XKR7: variants seen among roughly 807,000 people sequenced by gnomAD.
XKR7 encodes XK related 7.
In XKR7, 11 loss-of-function variants were observed where a neutral mutation model predicts 42.2. The ratio of observed to expected loss-of-function variants is 0.26; its 90% CI spans 0.16 to 0.43. The LOEUF is 0.43. XKR7 is among the 20% of genes least tolerant of loss of function. The probability of loss-of-function intolerance (pLI) is 1.00; values close to 1 mark genes in which losing one functional copy is unlikely to be tolerated. For missense variants in XKR7, 710 were observed against 802.2 expected, an observed-to-expected ratio of 0.89 and a Z score of 1.39; for synonymous variants, 346 against 366.4, an observed-to-expected ratio of 0.94 and a Z score of 0.64.
chr20:31,971,057 C>T (rs940270482), intron 1 of XKR7, among the ~76,000 whole-genome samples: 58 of 152,276 alleles, frequency 3.8e-4, no homozygotes, highest in African/African-American at 1.3e-3. Flanking sequence ...ACTAAAGTGT[C>T]CCTCAAGCTT....
rs1207854420 is a variant in XKR7, at chr20:32,001,946, G to A, written c.*4489G>A. The A allele has an allele frequency of 6.6e-6, 1 of 152,250 alleles. No homozygotes were observed. Among genetic ancestry groups the A allele is most frequent in the Non-Finnish European group, 1.5e-5 (1 of 68,082 alleles). 9.4% of individuals were successfully genotyped at this position (152,250 alleles called of 1,614,324 possible). On this transcript the variant is annotated 3_prime_UTR_variant, in exon 3 of 3. Transcript: ENST00000562532. ...GTGTCAAGCCGCATGGGCAGTAGTA[G>A]GGTTGGGGTTTGAGCCCCCTTCCCA... is the stretch of plus-strand genomic sequence containing the variant.
chr20:31,987,629 C>CACAG (rs954533989), intron 1 of XKR7, among the ~76,000 whole-genome samples: 2 of 151,062 alleles, frequency 1.3e-5, no homozygotes, highest in Admixed American at 6.6e-5. Flanking sequence ...AGTATTAAGA[C>CACAG]ACAGACAGAC....
At chr20:31,991,435 C>A (rs78562250) in intron 1 of XKR7, among the ~76,000 whole-genome samples, 10,513 of 152,012 alleles carry the variant, frequency 0.069, 418 homozygotes, top group African/African-American at 0.097. Flanking sequence ...CTCCAGATCT[C>A]TCTCTGCCCT....
At position 31,998,654 on chromosome 20, in the gene XKR7, C is replaced by T. The variant is rs2064608680; in HGVS notation, c.*1197C>T. ...AGCTCTAGGCCCCTGTTACCTTGGT[C>T]CATAGCCATCTTTCTAAAAGGAAAT... is the stretch of plus-strand genomic sequence containing the variant. On this transcript the variant is annotated 3_prime_UTR_variant, in exon 3 of 3. Transcript: ENST00000562532. 6.6e-6 allele frequency: 1 copy of T among 152,108 alleles called. No homozygotes were observed. Among genetic ancestry groups the T allele is most frequent in the African/African-American group, 2.4e-5 (1 of 41,386 alleles). The allele number at this position is 152,108 out of a possible 1,614,324, so 9.4% of individuals were successfully genotyped here.
Position 31,987,058 on chromosome 20 carries a change from G to A in XKR7, c.585-8010G>A, listed in dbSNP as rs189843425. On this transcript the variant is annotated intron_variant, in intron 1 of 2. Coordinates refer to ENST00000562532, the MANE Select transcript of XKR7 (RefSeq NM_001011718.2). ...CCAGCATCCAAGACACAGACAGACA[G>A]ACCACCAAACAGATCCAGTATCCAA... Among the ~76,000 whole-genome samples the A allele has an allele frequency of 1.2e-3, 176 of 141,974 alleles. 1 individual carries two copies. The highest frequency in any genetic ancestry group is 4.3e-3 in the African/African-American group (161 of 37,486). The allele number at this position is 141,974 out of a possible 152,430, so 93.1% of individuals were successfully genotyped here. A position where few individuals can be genotyped will look rare whatever the true frequency, so the allele number is the denominator to read the frequency against.
chr20:31,982,554 G>A (rs1181755906), intron 1 of XKR7, among the ~76,000 whole-genome samples: 1 of 149,708 alleles, frequency 6.7e-6, no homozygotes, highest in Non-Finnish European at 1.5e-5. Context: ...GTGAATAAAT[G>A]TCAAATGAAC....
chr20:31,998,235 C>T lies in XKR7; in HGVS notation c.*778C>T, dbSNP rs1166205536. The T allele has an allele frequency of 6.6e-6, 1 of 152,124 alleles. No homozygotes were observed. Among genetic ancestry groups the T allele is most frequent in the Non-Finnish European group, 1.5e-5 (1 of 68,024 alleles). 9.4% of individuals were successfully genotyped at this position (152,124 alleles called of 1,614,324 possible). ...GTGAAGGATGAAGTTCCACACACCTCAGGTGAAATGTTTGAAGGAGCCATT... is the reference window on the plus strand; with the variant it reads ...GTGAAGGATGAAGTTCCACACACCTTAGGTGAAATGTTTGAAGGAGCCATT... On this transcript the variant is annotated 3_prime_UTR_variant, in exon 3 of 3. Transcript: ENST00000562532.
chr20:31,990,363 G>A (rs1211077438), intron 1 of XKR7, among the ~76,000 whole-genome samples: 11 of 152,186 alleles, frequency 7.2e-5, no homozygotes, highest in Admixed American at 7.2e-4. Context: ...ACAACAAGGA[G>A]GAAAATAAAG....
intron 1 of XKR7, among the ~76,000 whole-genome samples, chr20:31,969,318 C>T (rs2064453386): frequency 1.3e-5 from 2 of 152,210 alleles, no homozygotes; most frequent in South Asian, 4.1e-4. Context: ...AACTGGGGAG[C>T]CCTCAGGCTC....
chr20:31,970,073 T>G (rs980730424), intron 1 of XKR7: 1 of 152,200 alleles, frequency 6.6e-6, no homozygotes, highest in Non-Finnish European at 1.5e-5. Context: ...TCCACTTAGC[T>G]TATCCTGGAG....
At position 31,999,912 on chromosome 20, in the gene XKR7, C is replaced by G. The variant is rs986732590; in HGVS notation, c.*2455C>G. 1 of 152,252 alleles carries G rather than the reference C, an allele frequency of 6.6e-6. No individual in the cohort carries two copies. Among genetic ancestry groups the G allele is most frequent in the African/African-American group, 2.4e-5 (1 of 41,432 alleles). 9.4% of individuals were successfully genotyped at this position (152,252 alleles called of 1,614,324 possible). A position where few individuals can be genotyped will look rare whatever the true frequency, so the allele number is the denominator to read the frequency against. The stretch of plus-strand genomic sequence containing the variant: ...GGGGTCCTTTACACTCCAGGAGACT[C>G]CCAAGGGGCAGGGATGTGCTGGCAG... On this transcript the variant is annotated 3_prime_UTR_variant, in exon 3 of 3. Coordinates refer to ENST00000562532, the MANE Select transcript of XKR7 (RefSeq NM_001011718.2).
At position 31,968,582 on chromosome 20, in the gene XKR7, G is replaced by T. The variant is rs1225688451; in HGVS notation, c.407G>T (p.Gly136Val). 1 of 1,609,612 alleles carries T rather than the reference G, an allele frequency of 6.2e-7. No individual in the cohort carries two copies. Among genetic ancestry groups the T allele is most frequent in the Non-Finnish European group, 8.5e-7 (1 of 1,179,032 alleles). Residue 136 changes from glycine to valine, a missense_variant, in exon 1 of 3, where the codon GGA becomes GTA. Transcript: ENST00000562532. This position sits in a 1 kb window ranked among gnomAD's most constrained non-coding sequence, Gnocchi z 4.5. ...AGCACCAAGGACAGCGTAGCCGGCG[G>T]AGCCGCCATCAGCACCAAGGACAGC... ...AVSTKDSVAGGAAISTKDSAG... is the reference protein window; with the variant it reads ...AVSTKDSVAGVAAISTKDSAG...
intron 1 of XKR7, among the ~76,000 whole-genome samples, chr20:31,986,481 CA>C (rs2064540993): frequency 7.2e-6 from 1 of 138,254 alleles, no homozygotes. Context: ...GACAGACAGA[CA>C]GACCACTAAA....
chr20:31,972,554 C>T (rs1379136346), intron 1 of XKR7, among the ~76,000 whole-genome samples: 1 of 152,186 alleles, frequency 6.6e-6, no homozygotes, highest in Non-Finnish European at 1.5e-5. Flanking sequence ...AAGTCCTAAC[C>T]CTGTCCCCTC....
intron 1 of XKR7, among the ~76,000 whole-genome samples, chr20:31,992,740 T>C (rs1374261799): frequency 6.6e-6 from 1 of 152,122 alleles, no homozygotes; most frequent in African/African-American, 2.4e-5. Flanking sequence ...AATGGGATGT[T>C]CCTGGCCTCA....
chr20:31,976,135 G>A (rs1314175186), intron 1 of XKR7, among the ~76,000 whole-genome samples: 5 of 152,220 alleles, frequency 3.3e-5, no homozygotes. Context: ...AGCACATAGT[G>A]GTGCTCAGTT....
intron 1 of XKR7, among the ~76,000 whole-genome samples, chr20:31,989,525 G>A (rs901952209): frequency 3.8e-5 from 3 of 78,944 alleles, no homozygotes; most frequent in Admixed American, 9.6e-5. Flanking sequence ...GAGTGGATGC[G>A]GGCAGCCACA....
chr20:31,980,325 A>G (rs2064506167), intron 1 of XKR7, among the ~76,000 whole-genome samples: 1 of 152,126 alleles, frequency 6.6e-6, no homozygotes, highest in Admixed American at 6.5e-5. Flanking sequence ...TTGCAGGAGC[A>G]CTCAACGTTA....
rs2064624213 is a variant in XKR7, at chr20:32,001,370, T to C, written c.*3913T>C. 1 of 152,256 alleles carries C rather than the reference T, an allele frequency of 6.6e-6. No individual in the cohort carries two copies. The highest frequency in any genetic ancestry group is 1.5e-5 in the Non-Finnish European group (1 of 68,074). The allele number at this position is 152,256 out of a possible 1,614,324, so 9.4% of individuals were successfully genotyped here. A position where few individuals can be genotyped will look rare whatever the true frequency, so the allele number is the denominator to read the frequency against. On this transcript the variant is annotated 3_prime_UTR_variant, in exon 3 of 3. Coordinates refer to ENST00000562532, the MANE Select transcript of XKR7 (RefSeq NM_001011718.2). The stretch of plus-strand genomic sequence containing the variant: ...AAAATTCAAATGTTTGGGAAACTGC[T>C]GGCCACTCATATTTGGCCCACGTGC...
Sources: allele counts gnomAD v4.1 joint callset (sites outside exome capture counted in the v4.1 genomes callset), GRCh38; gene constraint gnomAD v4.1.1; non-coding constraint Gnocchi (gnomAD v3.1); transcripts MANE v1.5; gene names NCBI Gene and HGNC (gene_info 2026-07-23, HGNC 2026-07-21).